DDX4: variants seen among roughly 807,000 people sequenced by gnomAD.
DDX4 encodes DEAD-box helicase 4, also known as probable ATP-dependent RNA helicase DDX4.
In DDX4, 25 loss-of-function variants were observed where a neutral mutation model predicts 100.0. The observed-to-expected ratio is 0.25, with a 90% CI of 0.18 to 0.35. The LOEUF (loss-of-function observed/expected upper bound fraction) is 0.35, where lower values mean the gene tolerates loss of function less well. DDX4 is among the 10% of genes least tolerant of loss of function. DDX4 has a pLI of 1.00. For missense variants in DDX4, 635 were observed against 882.4 expected, an observed-to-expected ratio of 0.72 and a Z score of 3.55; for synonymous variants, 259 against 275.7, an observed-to-expected ratio of 0.94 and a Z score of 0.60.
rs188950178 is a variant in DDX4 at position 55,794,250 on chromosome 5, C to T, written c.1469+1443C>T. The stretch of plus-strand genomic sequence containing the variant: ...TCCCCCAGGCTGGAGTGCAATGGCG[C>T]GATCTTGGCTCACTGCAACCTCAAT... On this transcript the variant is annotated intron_variant, in intron 17 of 21. Coordinates refer to ENST00000505374, the MANE Select transcript of DDX4 (RefSeq NM_024415.3). Among the ~76,000 whole-genome samples the T allele has an allele frequency of 1.8e-3, 267 of 150,316 alleles. 1 individual carries two copies. The highest frequency in any genetic ancestry group is 6.8e-3 in the Middle Eastern group (2 of 292).
At chr5:55,776,902 TATTA>T (rs549164211) in intron 7 of DDX4, among the ~76,000 whole-genome samples, 557 of 152,320 alleles carry the variant, frequency 3.7e-3, no homozygotes, top group Non-Finnish European at 6.1e-3. Flanking sequence ...CAATAATGAC[TATTA>T]ATTTAGGGGT....
At chr5:55,804,799 G>A (rs1238202660) in intron 18 of DDX4, among the ~76,000 whole-genome samples, 8 of 152,142 alleles carry the variant, frequency 5.3e-5, no homozygotes, top group East Asian at 1.9e-4. Context: ...TTGACTTGGC[G>A]ATGCGGGCTC....
chr5:55,744,985 A>G (rs1394746532), intron 2 of DDX4, among the ~76,000 whole-genome samples: 1 of 151,868 alleles, frequency 6.6e-6, no homozygotes, highest in Non-Finnish European at 1.5e-5. Flanking sequence ...GGTTCAAGCG[A>G]TTCTTCTGCC....
chr5:55,746,069 A>T, intron 2 of DDX4, 95 bp from the exon 3 acceptor site: 2 of 951,136 alleles, frequency 2.1e-6, no homozygotes, highest in Non-Finnish European at 3.2e-6. Flanking sequence ...GTTCTGAACA[A>T]AGCTCAATTG....
intron 3 of DDX4, among the ~76,000 whole-genome samples, chr5:55,749,368 G>A (rs1759415945): frequency 6.6e-6 from 1 of 152,122 alleles, no homozygotes; most frequent in South Asian, 2.1e-4. Flanking sequence ...GAATTTTGAG[G>A]TTACAGTGAG....
At chr5:55,813,533 T>C (rs754516814) in intron 18 of DDX4, 140 bp from the exon 19 acceptor site, 16 of 1,181,428 alleles carry the variant, frequency 1.4e-5, no homozygotes, top group East Asian at 2.8e-5. Context: ...GTCCCTCTTA[T>C]GTACCAGGCT....
At chr5:55,792,099 G>C (rs1463318731) in intron 16 of DDX4, among the ~76,000 whole-genome samples, 1 of 136,796 alleles carries the variant, frequency 7.3e-6, no homozygotes, top group African/African-American at 2.8e-5. Context: ...ACTCCAGCCT[G>C]GGCAACACAG....
chr5:55,760,072 C>G (rs1315803478), intron 3 of DDX4, 128 bp from the exon 4 acceptor site: 7 of 735,038 alleles, frequency 9.5e-6, no homozygotes, highest in African/African-American at 7.8e-5. Flanking sequence ...TTTTACTGGG[C>G]TGTTTGTCAC....
At chr5:55,743,074 A>G (rs973763773) in intron 2 of DDX4, among the ~76,000 whole-genome samples, 3 of 152,202 alleles carry the variant, frequency 2.0e-5, no homozygotes, top group Non-Finnish European at 4.4e-5. Context: ...TGTGGCTGCT[A>G]TAACAAATTA....
intron 10 of DDX4, among the ~76,000 whole-genome samples, chr5:55,783,050 C>A (rs1489393706): frequency 6.6e-6 from 1 of 151,990 alleles, no homozygotes; most frequent in Non-Finnish European, 1.5e-5. Flanking sequence ...CCTCAGCCTC[C>A]CAAAGTGCTA....
chr5:55,744,859 A>G (rs183331848), intron 2 of DDX4, among the ~76,000 whole-genome samples: 152 of 151,224 alleles, frequency 1.0e-3, no homozygotes, highest in Non-Finnish European at 1.2e-3. Flanking sequence ...AATTTACTTT[A>G]CAGTGAATCC....
At chr5:55,780,675 C>T (rs540077206) in intron 8 of DDX4, among the ~76,000 whole-genome samples, 2 of 152,246 alleles carry the variant, frequency 1.3e-5, no homozygotes, top group African/African-American at 4.8e-5. Flanking sequence ...GCAAGGGGTG[C>T]TATTTTGAAG....
intron 10 of DDX4, among the ~76,000 whole-genome samples, chr5:55,782,826 C>T (rs1742007636): frequency 6.9e-6 from 1 of 145,598 alleles, no homozygotes; most frequent in African/African-American, 2.5e-5. Context: ...GACAGAGTCT[C>T]ACTCTGTCAC....
At chr5:55,749,887 A>G (rs1318939863) in intron 3 of DDX4, among the ~76,000 whole-genome samples, 5 of 151,008 alleles carry the variant, frequency 3.3e-5, no homozygotes, top group African/African-American at 1.2e-4. Context: ...ACGAAAGTTA[A>G]CTGGATTACA....
chr5:55,741,531 T>C (rs745580312), intron 2 of DDX4, among the ~76,000 whole-genome samples: 1 of 152,140 alleles, frequency 6.6e-6, no homozygotes, highest in Non-Finnish European at 1.5e-5. Context: ...TTCATGCCTG[T>C]AATCCCAGCA....
chr5:55,781,180 A>G (rs1385321962), intron 9 of DDX4, 34 bp downstream of exon 9: 3 of 1,515,360 alleles, frequency 2.0e-6, no homozygotes, highest in African/African-American at 2.8e-5. Flanking sequence ...AATATTAGTT[A>G]CTGATGTATG....
In DDX4 at chr5:55,816,495, T is replaced by G. The variant is rs753340516; in HGVS notation, c.2130T>G (p.Ser710=). The G allele has an allele frequency of 4.3e-6, 7 of 1,613,080 alleles. No individual in the cohort carries two copies. Among genetic ancestry groups the G allele is most frequent in the Non-Finnish European group, 5.9e-6 (7 of 1,179,532 alleles). Residue 710 remains serine, a synonymous_variant, in exon 22 of 22, where the codon TCT becomes TCG. Coordinates refer to ENST00000505374, the MANE Select transcript of DDX4 (RefSeq NM_024415.3). Reference sequence around the variant, plus strand: ...GCACTTTGAACACAGCTGGGTTTTCTTCTTCACAAGCTCCCAATCCAGTAG... The same window carrying G: ...GCACTTTGAACACAGCTGGGTTTTCGTCTTCACAAGCTCCCAATCCAGTAG... ...GKSTLNTAGF[S]SSQAPNPVDD... is the part of the protein sequence containing the mutation.
At chr5:55,752,205 T>G (rs1759601745) in intron 3 of DDX4, among the ~76,000 whole-genome samples, 1 of 151,998 alleles carries the variant, frequency 6.6e-6, no homozygotes. Flanking sequence ...TATTATACTT[T>G]AAGTTTTAGG....
chr5:55,749,715 T>C (rs1759437188), intron 3 of DDX4, among the ~76,000 whole-genome samples: 1 of 152,174 alleles, frequency 6.6e-6, no homozygotes, highest in Non-Finnish European at 1.5e-5. Context: ...TTATTACTCA[T>C]GTTTGATTTG....
Sources: allele counts gnomAD v4.1 joint callset (sites outside exome capture counted in the v4.1 genomes callset), GRCh38; gene constraint gnomAD v4.1.1; transcripts MANE v1.5; gene names NCBI Gene and HGNC (gene_info 2026-07-23, HGNC 2026-07-21).